GALK1: variants seen among roughly 807,000 people sequenced by gnomAD.
GALK1 encodes galactokinase 1.
In GALK1, 30 loss-of-function variants were observed where a neutral mutation model predicts 38.6. The observed-to-expected ratio is 0.78, with a 90% CI of 0.58 to 1.05. GALK1 has a LOEUF of 1.05. GALK1 is among the 50% of genes least tolerant of loss of function. The pLI is 0.00. For missense variants in GALK1, 512 were observed against 540.5 expected (o/e 0.95, Z 0.52); for synonymous variants, 240 against 233.6 (o/e 1.03, Z -0.25).
At chr17:75,756,674 A>G (rs2061513105), downstream of GALK1, 1 of 1,612,840 alleles carries the variant, frequency 6.2e-7, no homozygotes, top group South Asian at 1.1e-5. Context: ...ACCCACCCAC[A>G]GGCTGATGCT....
intron 5 of GALK1, 148 bp from the exon 6 acceptor site, chr17:75,758,747 CGTGG>C: frequency 1.0e-6 from 1 of 968,316 alleles, no homozygotes; most frequent in Non-Finnish European, 1.5e-6. Context: ...CTCTCTCAGA[CGTGG>C]GTCTGAAGAG....
intron 4 of GALK1, 47 bp downstream of exon 4, chr17:75,762,967 G>T: frequency 1.2e-6 from 2 of 1,611,800 alleles, no homozygotes; most frequent in South Asian, 1.1e-5. Flanking sequence ...TCCCACCCAG[G>T]AGCTGCTGAG....
In GALK1 at chr17:75,758,301, T is replaced by G. The variant is rs2061565142; in HGVS notation, c.1016A>C (p.Tyr339Ser). 6.3e-7 allele frequency: 1 copy of G among 1,593,876 alleles called. No homozygotes were observed. Among genetic ancestry groups the G allele is most frequent in the East Asian group, 2.3e-5 (1 of 43,986 alleles). ...GCCACCGCCCGTCATGCGGCTGCCA[T>G]AAACCCCAGGCACAGCAAGCGCAGC... ...VEAALAVPGVYGSRMTGGGFG... is the reference protein window; with the variant it reads ...VEAALAVPGVSGSRMTGGGFG... Residue 339 changes from tyrosine (Y) to serine (S), a missense_variant, in exon 7 of 8, where the codon TAT (tyrosine) becomes TCT (serine). By Grantham distance (144) the Tyr-to-Ser change is moderately radical. Coordinates refer to ENST00000588479, the MANE Select transcript of GALK1 (RefSeq NM_000154.2).
rs751536638 is a variant in GALK1, at chr17:75,762,176, G to A, written c.793+528C>T. 7.9e-5 allele frequency among the ~76,000 whole-genome samples: 12 copies of A among 152,170 alleles called. No individual in the cohort carries two copies. In the South Asian group the frequency reaches 1.2e-3, roughly 16 times the overall value. The stretch of plus-strand genomic sequence containing the variant: ...GTCTTTACAAAGATAAAAATTAGCC[G>A]GGCATGGTGGCACACCTGTAATCTC... On this transcript the variant is annotated intron_variant, in intron 5 of 7. Coordinates refer to ENST00000588479, the MANE Select transcript of GALK1 (RefSeq NM_000154.2).
chr17:75,761,858 G>C (rs2061588865), intron 5 of GALK1, among the ~76,000 whole-genome samples: 1 of 151,882 alleles, frequency 6.6e-6, no homozygotes, highest in South Asian at 2.1e-4. Flanking sequence ...GTCTCTACTA[G>C]AACTATAAAA....
At chr17:75,763,720 G>A (rs2061597994) in intron 2 of GALK1, 177 bp downstream of exon 2, 7 of 770,108 alleles carry the variant, frequency 9.1e-6, no homozygotes, top group Non-Finnish European at 1.3e-5. Flanking sequence ...ATCAGGTCAC[G>A]GGAAACCCAG....
At chr17:75,754,946 G>T, downstream of GALK1, 2 of 1,404,756 alleles carry the variant, frequency 1.4e-6, no homozygotes, top group African/African-American at 1.8e-5. Context: ...ACACATGCAC[G>T]CACACACGTG....
At chr17:75,751,972 G>A (rs557602196) in intron 8 of GALK1, 5 of 689,674 alleles carry the variant, frequency 7.2e-6, no homozygotes, top group African/African-American at 1.7e-5. Flanking sequence ...GAGTCCCTTG[G>A]AGGACTGGTG....
At chr17:75,756,756 T>C (rs1213090182), downstream of GALK1, 2 of 1,613,042 alleles carry the variant, frequency 1.2e-6, no homozygotes, top group Admixed American at 3.3e-5. Flanking sequence ...TGGTGTTCAC[T>C]GCCCTGAGCC....
chr17:75,755,346 G>A (rs757921014), downstream of GALK1: 340 of 953,764 alleles, frequency 3.6e-4, no homozygotes, highest in Admixed American at 2.1e-4. Context: ...GCCCACAGGC[G>A]CTAACCACCT....
rs1422073677 is a variant in GALK1 at position 75,764,049 on chromosome 17, C to CG, written c.202dup (p.Arg68ProfsTer13). On this transcript the variant is annotated frameshift_variant, in exon 2 of 8. Transcript: ENST00000588479. LOFTEE classifies it high-confidence loss of function. ...GAGGAGAGACACCAGCCCATCCTTGCGGGGGCTGCCCACCAGCACCGTCAT... is the reference window on the plus strand; with the variant it reads ...GAGGAGAGACACCAGCCCATCCTTGCGGGGGGCTGCCCACCAGCACCGTCAT... 4 of 1,595,958 alleles carry CG rather than the reference C, an allele frequency of 2.5e-6. No homozygotes were observed. The highest frequency in any genetic ancestry group is 3.4e-6 in the Non-Finnish European group (4 of 1,173,468).
intron 8 of GALK1, chr17:75,752,334 C>A (rs2061386831): frequency 1.2e-6 from 2 of 1,612,662 alleles, no homozygotes; most frequent in Admixed American, 1.7e-5. Context: ...ACCTGGCCAC[C>A]CAGCCCAAGA....
rs374444431 is a variant in GALK1 at position 75,763,883 on chromosome 17, C to T, written c.355+14G>A. On this transcript the variant is annotated intron_variant, in intron 2 of 7. Coordinates refer to ENST00000588479, the MANE Select transcript of GALK1 (RefSeq NM_000154.2). ...AGTATCAGTGAGGACTTGGCTCAGG[C>T]CTGGGCCCCATACCTGGGTAGTACT... The T allele has an allele frequency of 7.4e-6, 12 of 1,612,598 alleles. No individual in the cohort carries two copies. Among genetic ancestry groups the T allele is most frequent in the Non-Finnish European group, 9.3e-6 (11 of 1,179,310 alleles).
chr17:75,759,522 G>C (rs1412243763), intron 5 of GALK1, among the ~76,000 whole-genome samples: 1 of 152,126 alleles, frequency 6.6e-6, no homozygotes, highest in East Asian at 1.9e-4. Flanking sequence ...CTTGGAGGCT[G>C]AGGGAAGGAG....
At chr17:75,762,605 G>T in intron 5 of GALK1, 99 bp downstream of exon 5, 2 of 1,271,768 alleles carry the variant, frequency 1.6e-6, no homozygotes, top group Non-Finnish European at 1.1e-6. Context: ...CATGGCAGAA[G>T]GCCCTGGAGA....
At chr17:75,755,101 C>T, downstream of GALK1, 2 of 1,605,524 alleles carry the variant, frequency 1.2e-6, no homozygotes, top group Non-Finnish European at 8.5e-7. Flanking sequence ...TTCCGCTGTC[C>T]TGGGCCCTGG....
chr17:75,765,190 G>A lies in GALK1; in HGVS notation c.-54C>T, dbSNP rs966858743. 6 of 1,374,078 alleles carry A rather than the reference G, an allele frequency of 4.4e-6. No individual in the cohort carries two copies. The highest frequency in any genetic ancestry group is 2.4e-4 in the Middle Eastern group (1 of 4,140). The allele number at this position is 1,374,078 out of a possible 1,614,324, so 85.1% of individuals were successfully genotyped here. On this transcript the variant is annotated 5_prime_UTR_variant, in exon 1 of 8. Transcript: ENST00000588479. ...CTCCGGCACAGCCCCGTCGGCGCGG[G>A]ATGCTCGGGCGGGGCCCCGCGCGGG...
downstream of GALK1, chr17:75,754,352 GAT>G (rs888509877): frequency 1.1e-5 from 7 of 614,910 alleles, no homozygotes; most frequent in African/African-American, 1.3e-4. Context: ...TGCTCACACC[GAT>G]AGAGTGGCCG....
At chr17:75,751,600 G>A (rs906595731) in exon 9 of GALK1, 9 of 232,140 alleles carry the variant, frequency 3.9e-5, no homozygotes, top group Non-Finnish European at 7.8e-5. Flanking sequence ...AATTAGACAG[G>A]CATGGTGGCT....
Sources: allele counts gnomAD v4.1 joint callset (sites outside exome capture counted in the v4.1 genomes callset), GRCh38; gene constraint gnomAD v4.1.1; transcripts MANE v1.5; gene names NCBI Gene and HGNC (gene_info 2026-07-23, HGNC 2026-07-21).